Variants in NOS1 observed in about 807,000 individuals in gnomAD.
The protein encoded by NOS1 is NOS type I.
A neutral mutation model predicts 164.5 loss-of-function variants in NOS1; 51 were observed. The observed-to-expected ratio is 0.31, with a 90% CI of 0.25 to 0.39. The LOEUF (loss-of-function observed/expected upper bound fraction) is 0.39. NOS1 is among the 10% of genes least tolerant of loss of function. NOS1 has a pLI of 1.00. For missense variants in NOS1, 1,362 were observed against 1,885.6 expected, an observed-to-expected ratio of 0.72 and a Z score of 5.14; for synonymous variants, 719 against 745.8, an observed-to-expected ratio of 0.96 and a Z score of 0.59.
At position 117,330,421 on chromosome 12, in the gene NOS1, T is replaced by C; in HGVS notation, c.649A>G (p.Thr217Ala). Residue 217 changes from threonine to alanine, a missense_variant, in exon 2 of 29, where the codon ACC becomes GCC. Physicochemically the swap from Thr to Ala is moderately conservative, Grantham distance 58. Coordinates refer to ENST00000317775, the MANE Select transcript of NOS1 (RefSeq NM_000620.5). This position sits in a 1 kb window ranked among gnomAD's most constrained non-coding sequence, Gnocchi z 4.6. ...CCCTTGACCCCTCTGCTCCCACTGGTGAGAAGGCTCAGCACAGGCTCTATC... is the reference window on the plus strand; with the variant it reads ...CCCTTGACCCCTCTGCTCCCACTGGCGAGAAGGCTCAGCACAGGCTCTATC... ...KEIEPVLSLLTSGSRGVKGGA... is the reference protein window; with the variant it reads ...KEIEPVLSLLASGSRGVKGGA... 1 of 1,614,126 alleles carries C rather than the reference T, an allele frequency of 6.2e-7. No individual in the cohort carries two copies. The highest frequency in any genetic ancestry group is 1.1e-5 in the South Asian group (1 of 91,076).
At chr12:117,278,247 GC>G (rs1873343896) in intron 8 of NOS1, 149 bp from the exon 9 acceptor site, 3 of 824,554 alleles carry the variant, frequency 3.6e-6, no homozygotes, top group South Asian at 2.5e-5. Flanking sequence ...CACATCACCT[GC>G]TTTATAGAGT....
At position 117,322,018 on chromosome 12, in the gene NOS1, CTCTCTCCTTCCTTTCCTCCT is replaced by C. The variant is rs1566075345; in HGVS notation, c.725+8307_725+8326del. On this transcript the variant is annotated intron_variant, in intron 2 of 28. Transcript: ENST00000317775. Reference sequence around the variant, plus strand: ...CCTCCCTCTCTCCTTCCTTCCCTCCCTCTCTCCTTCCTTTCCTCCTTCTCTCCTTCCTTCCCTCCTTCCTT... The same window carrying C: ...CCTCCCTCTCTCCTTCCTTCCCTCCCTCTCTCCTTCCTTCCCTCCTTCCTT... Among the ~76,000 whole-genome samples the C allele has an allele frequency of 6.4e-3, 279 of 43,798 alleles. 4 individuals carry two copies. The highest frequency in any genetic ancestry group is 0.025 in the African/African-American group (269 of 10,724). The allele number at this position is 43,798 out of a possible 152,430, so 28.7% of individuals were successfully genotyped here.
chr12:117,255,111 A>C (rs1871342071), intron 16 of NOS1, among the ~76,000 whole-genome samples: 1 of 152,114 alleles, frequency 6.6e-6, no homozygotes, highest in Non-Finnish European at 1.5e-5. Context: ...ATAATAATAA[A>C]ATTAAAAAAA....
intron 1 of NOS1, among the ~76,000 whole-genome samples, chr12:117,346,296 C>A (rs1006168007): frequency 2.0e-5 from 3 of 152,116 alleles, no homozygotes; most frequent in Non-Finnish European, 2.9e-5. Flanking sequence ...CATGGTGAAA[C>A]CCCGTCTCTA....
rs1453844351 is a variant in NOS1 at position 117,285,273 on chromosome 12, A to G, written c.1350T>C (p.His450=). The G allele has an allele frequency of 6.2e-7, 1 of 1,611,144 alleles. No homozygotes were observed. The highest frequency in any genetic ancestry group is 1.1e-5 in the South Asian group (1 of 90,926). The change falls in exon 7 of 29, where the codon CAT becomes CAC. Residue 450 remains histidine, a synonymous_variant. Transcript: ENST00000317775. Reference sequence around the variant, plus strand: ...TCCCTTTGTTGGTGGCATACTTGACATGGTTACAGATGTAGTTGAACATCC... The same window carrying G: ...TCCCTTTGTTGGTGGCATACTTGACGTGGTTACAGATGTAGTTGAACATCC... ...AHGMFNYICN[H]VKYATNKGNL...
chr12:117,308,016 A>AATT (rs1402123644), intron 3 of NOS1, among the ~76,000 whole-genome samples: 2 of 151,784 alleles, frequency 1.3e-5, no homozygotes, highest in Admixed American at 6.6e-5. Context: ...TAATAATAAT[A>AATT]ATAGAGACAT....
At position 117,242,677 on chromosome 12, in the gene NOS1, G is replaced by A; in HGVS notation, c.2991C>T (p.Val997=). 1 of 1,614,178 alleles carries A rather than the reference G, an allele frequency of 6.2e-7. No homozygotes were observed. Among genetic ancestry groups the A allele is most frequent in the Non-Finnish European group, 8.5e-7 (1 of 1,180,030 alleles). The change falls in exon 20 of 29, where the codon GTC becomes GTT. Residue 997 remains valine, a synonymous_variant. Transcript: ENST00000317775. The stretch of plus-strand genomic sequence containing the variant: ...GACGGCTAAGGAGCCGGGCAGCTGA[G>A]ACTCGCTTTTTGTGGACATTGGATA... The part of the protein sequence containing the change: ...QGLSNVHKKR[V]SAARLLSRQN...
intron 1 of NOS1, among the ~76,000 whole-genome samples, chr12:117,335,106 G>C (rs1408199209): frequency 6.6e-6 from 1 of 152,222 alleles, no homozygotes; most frequent in African/African-American, 2.4e-5. Flanking sequence ...ACAGTAGTGA[G>C]AACTCAGAAA....
At chr12:117,299,521 C>T (rs1336058571) in intron 3 of NOS1, among the ~76,000 whole-genome samples, 18 of 151,850 alleles carry the variant, frequency 1.2e-4, no homozygotes, top group Admixed American at 1.2e-3. Context: ...CGCCTGTAGT[C>T]CCAGCTACTC....
Position 117,265,343 on chromosome 12 carries a change from G to A in NOS1, c.2109C>T (p.Tyr703=). The A allele has an allele frequency of 6.4e-7, 1 of 1,560,960 alleles. No homozygotes were observed. The highest frequency in any genetic ancestry group is 1.2e-5 in the South Asian group (1 of 82,028). The change falls in exon 12 of 29, where the codon TAC becomes TAT. Residue 703 remains tyrosine (Y), a synonymous_variant. Coordinates refer to ENST00000317775, the MANE Select transcript of NOS1 (RefSeq NM_000620.5). ...TPVFHQEMLN[Y]RLTPSFEYQP... is the part of the protein sequence containing the mutation. The stretch of plus-strand genomic sequence containing the variant: ...GGTATTCGAAGGAGGGGGTGAGCCG[G>A]TAGTTGAGCATCTCCTGGTGGAACA...
Position 117,213,693 on chromosome 12 carries a change from T to C in NOS1, c.*1616A>G. ...CCACGTACAGTATATAAAAGAAATGTGGTTTTTCTGTATAGCAAGACACAA... is the reference window on the plus strand; with the variant it reads ...CCACGTACAGTATATAAAAGAAATGCGGTTTTTCTGTATAGCAAGACACAA... On this transcript the variant is annotated 3_prime_UTR_variant, in exon 29 of 29. Coordinates refer to ENST00000317775, the MANE Select transcript of NOS1 (RefSeq NM_000620.5). The C allele has an allele frequency of 2.0e-6, 2 of 985,422 alleles. No homozygotes were observed. Among genetic ancestry groups the C allele is most frequent in the Non-Finnish European group, 2.4e-6 (2 of 829,942 alleles). The allele number at this position is 985,422 out of a possible 1,614,324, so 61.0% of individuals were successfully genotyped here.
intron 12 of NOS1, among the ~76,000 whole-genome samples, chr12:117,264,288 A>T (rs981207424): frequency 1.3e-5 from 2 of 151,702 alleles, no homozygotes; most frequent in Admixed American, 6.6e-5. Context: ...TCTCTCTCTT[A>T]AGAGACAGGG....
At chr12:117,222,633 A>T in intron 26 of NOS1, 82 bp downstream of exon 26, 1 of 1,309,178 alleles carries the variant, frequency 7.6e-7, no homozygotes, top group Non-Finnish European at 1.1e-6. Flanking sequence ...CTTAAGAGTG[A>T]GGGTGAGGGG....
At position 117,209,970 on chromosome 12, in the gene NOS1, CTTTCAT is replaced by C. The variant is rs1218383053; in HGVS notation, c.*5333_*5338del. The C allele has an allele frequency of 2.0e-6, 2 of 985,346 alleles. No individual in the cohort carries two copies. The highest frequency in any genetic ancestry group is 2.4e-6 in the Non-Finnish European group (2 of 830,000). 61.0% of individuals were successfully genotyped at this position (985,346 alleles called of 1,614,324 possible). A position where few individuals can be genotyped will look rare whatever the true frequency, so the allele number is the denominator to read the frequency against. ...TGTTTCCTTAATCCCAGCACCTGGT[CTTTCAT>C]TTTAATTTTTTTTAGAGACAGGGTC... On this transcript the variant is annotated 3_prime_UTR_variant, in exon 29 of 29. Transcript: ENST00000317775.
intron 3 of NOS1, among the ~76,000 whole-genome samples, chr12:117,291,551 T>TTTTTTGG (rs58721278): frequency 6.9e-6 from 1 of 144,952 alleles, no homozygotes; most frequent in South Asian, 2.3e-4. Flanking sequence ...TTTTTTTTTT[T>TTTTTTGG]GAGATAGGGT....
intron 4 of NOS1, among the ~76,000 whole-genome samples, chr12:117,289,585 C>T (rs1872914742): frequency 6.6e-6 from 1 of 152,356 alleles, no homozygotes. Context: ...CATATGTATA[C>T]ATGTGCCATG....
intron 20 of NOS1, among the ~76,000 whole-genome samples, chr12:117,238,912 C>T (rs933017800): frequency 3.3e-5 from 5 of 152,160 alleles, no homozygotes; most frequent in Admixed American, 6.5e-5. Flanking sequence ...GTCTGCTCTT[C>T]GGAAAATGAT....
intron 8 of NOS1, 21 bp from the exon 9 acceptor site, chr12:117,278,119 G>T: frequency 6.2e-7 from 1 of 1,603,560 alleles, no homozygotes. Context: ...ACCCGGCCAG[G>T]TAATGCCACT....
In NOS1 at chr12:117,208,912, G is replaced by A; in HGVS notation, c.*6397C>T. On this transcript the variant is annotated 3_prime_UTR_variant, in exon 29 of 29. Coordinates refer to ENST00000317775, the MANE Select transcript of NOS1 (RefSeq NM_000620.5). ...TGATTTTTGTATTTTTAGTAGAGAC[G>A]AGGTTTTGCCATGTTAGCCAGGTTG... 2 of 645,996 alleles carry A rather than the reference G, an allele frequency of 3.1e-6. No individual in the cohort carries two copies. Among genetic ancestry groups the A allele is most frequent in the Non-Finnish European group, 3.8e-6 (2 of 519,702 alleles). 40.0% of individuals were successfully genotyped at this position (645,996 alleles called of 1,614,324 possible). A position where few individuals can be genotyped will look rare whatever the true frequency, so the allele number is the denominator to read the frequency against.
Sources: allele counts gnomAD v4.1 joint callset (sites outside exome capture counted in the v4.1 genomes callset), GRCh38; gene constraint gnomAD v4.1.1; non-coding constraint Gnocchi (gnomAD v3.1); transcripts MANE v1.5; gene names NCBI Gene and HGNC (gene_info 2026-07-23, HGNC 2026-07-21).